NLRC5: variants seen among roughly 807,000 people sequenced by gnomAD.
NLRC5 encodes NLR family CARD domain containing 5, also known as protein NLRC5.
In NLRC5, 114 loss-of-function variants were observed where a neutral mutation model predicts 206.9. The observed-to-expected ratio is 0.55, with a 90% CI of 0.47 to 0.64. The LOEUF (loss-of-function observed/expected upper bound fraction) is 0.64. NLRC5 is among the 30% of genes least tolerant of loss of function. The pLI is 0.00. For synonymous variants in NLRC5, 952 were observed against 962.8 expected, an observed-to-expected ratio of 0.99 and a Z score of 0.21; for missense variants, 2,008 against 2,305.5, an observed-to-expected ratio of 0.87 and a Z score of 2.64.
At chr16:57,022,877 A>G (rs2060830175) in intron 4 of NLRC5, among the ~76,000 whole-genome samples, 1 of 152,276 alleles carries the variant, frequency 6.6e-6, no homozygotes, top group Non-Finnish European at 1.5e-5. Context: ...AGTAATGCCA[A>G]CAGAAAACCC....
chr16:57,005,413 C>CT (rs1391728389), intron 1 of NLRC5, among the ~76,000 whole-genome samples: 1 of 151,464 alleles, frequency 6.6e-6, no homozygotes, highest in East Asian at 2.0e-4. Context: ...AATCCCAACA[C>CT]TTGGGGAGGC....
intron 5 of NLRC5, among the ~76,000 whole-genome samples, chr16:57,024,605 A>G (rs1399643876): frequency 6.6e-6 from 1 of 152,236 alleles, no homozygotes; most frequent in Non-Finnish European, 1.5e-5. Context: ...TCCGATCGGT[A>G]ATGCCTAGGC....
chr16:56,998,784 A>G (rs947023125), intron 1 of NLRC5, among the ~76,000 whole-genome samples: 1 of 152,240 alleles, frequency 6.6e-6, no homozygotes, highest in Non-Finnish European at 1.5e-5. Context: ...TCTTGAAGAT[A>G]CAGCCACGTC....
Position 57,082,873 on chromosome 16 carries a change from C to T in NLRC5, c.*345C>T, listed in dbSNP as rs565418995. The T allele has an allele frequency of 1.9e-5, 4 of 211,184 alleles. No individual in the cohort carries two copies. The highest frequency in any genetic ancestry group is 3.8e-5 in the Non-Finnish European group (4 of 106,060). The allele number at this position is 211,184 out of a possible 1,614,324, so 13.1% of individuals were successfully genotyped here. A position where few individuals can be genotyped will look rare whatever the true frequency, so the allele number is the denominator to read the frequency against. Reference sequence around the variant, plus strand: ...GCGTTACATGAAAGTCAGTGTGGCACGTGTTCTGTGGCATGGGTGCTGGCA... The same window carrying T: ...GCGTTACATGAAAGTCAGTGTGGCATGTGTTCTGTGGCATGGGTGCTGGCA... On this transcript the variant is annotated 3_prime_UTR_variant, in exon 49 of 49. Transcript: ENST00000688547.
intron 10 of NLRC5, among the ~76,000 whole-genome samples, chr16:57,030,774 G>T (rs962954502): frequency 6.6e-6 from 1 of 152,170 alleles, no homozygotes; most frequent in African/African-American, 2.4e-5. Flanking sequence ...TGATCATGGG[G>T]TAGGTTAGGT....
chr16:57,041,847 C>T, intron 18 of NLRC5, 135 bp from the exon 19 acceptor site: 1 of 667,972 alleles, frequency 1.5e-6, no homozygotes, highest in South Asian at 2.0e-5. Context: ...CGTGCCAGAT[C>T]TGCTGAGATC....
chr16:57,042,093 G>A (rs911137537), intron 19 of NLRC5, 28 bp downstream of exon 19: 2 of 1,440,536 alleles, frequency 1.4e-6, no homozygotes, highest in African/African-American at 1.5e-5. Context: ...CAGAGCCTCT[G>A]AGGCTGGGGC....
chr16:57,079,713 G>A, intron 46 of NLRC5, 84 bp downstream of exon 46: 3 of 1,092,604 alleles, frequency 2.7e-6, no homozygotes, highest in South Asian at 2.5e-5. Context: ...CCTGCTGTGT[G>A]GCCTGGAGCT....
chr16:57,041,348 C>G, intron 17 of NLRC5, 137 bp from the exon 18 acceptor site: 1 of 658,186 alleles, frequency 1.5e-6, no homozygotes, highest in East Asian at 2.8e-5. Flanking sequence ...GTCCGTCTGT[C>G]TAGGTGCCAG....
intron 21 of NLRC5, 50 bp downstream of exon 21, chr16:57,045,542 C>G: frequency 6.3e-7 from 1 of 1,590,572 alleles, no homozygotes; most frequent in Non-Finnish European, 8.6e-7. Context: ...CTCTGGTCCC[C>G]GTCTGTTGGA....
At chr16:57,046,407 A>AGCCC in intron 21 of NLRC5, 145 bp from the exon 22 acceptor site, 1 of 631,846 alleles carries the variant, frequency 1.6e-6, no homozygotes, top group Non-Finnish European at 2.9e-6. Flanking sequence ...GATGCCTTCC[A>AGCCC]GCCCTGACTT....
intron 19 of NLRC5, 65 bp from the exon 20 acceptor site, chr16:57,043,450 T>A: frequency 5.0e-4 from 531 of 1,055,808 alleles, no homozygotes; most frequent in Non-Finnish European, 7.0e-4. Context: ...CCCTGTGCCC[T>A]GACCACAAAG....
chr16:57,058,019 T>A, intron 27 of NLRC5, 46 bp from the exon 28 acceptor site: 3 of 1,487,224 alleles, frequency 2.0e-6, no homozygotes, highest in Non-Finnish European at 2.8e-6. Flanking sequence ...CATCTCAGGC[T>A]GAGGAGGCAC....
intron 1 of NLRC5, among the ~76,000 whole-genome samples, chr16:57,007,886 G>C (rs568435882): frequency 6.6e-6 from 1 of 152,126 alleles, no homozygotes; most frequent in Non-Finnish European, 1.5e-5. Flanking sequence ...TGTTTATGAT[G>C]TATACATTTA....
intron 26 of NLRC5, 82 bp from the exon 27 acceptor site, chr16:57,055,350 CT>C (rs1440252873): frequency 4.6e-6 from 6 of 1,299,138 alleles, no homozygotes; most frequent in Non-Finnish European, 5.5e-6. Context: ...AGCCCAGAGG[CT>C]GTGCCCTGGG....
At chr16:57,031,128 A>C (rs1281918152) in intron 10 of NLRC5, among the ~76,000 whole-genome samples, 4 of 151,668 alleles carry the variant, frequency 2.6e-5, no homozygotes, top group African/African-American at 7.3e-5. Context: ...AAAAAAAAAA[A>C]CTCACAACAT....
chr16:57,039,417 G>A (rs1457830846), intron 15 of NLRC5, among the ~76,000 whole-genome samples: 6 of 152,202 alleles, frequency 3.9e-5, no homozygotes, highest in Non-Finnish European at 7.3e-5. Flanking sequence ...AGGTCCTCCC[G>A]GGCCAGGGGT....
In NLRC5 at chr16:57,026,776, G is replaced by A; in HGVS notation, c.1833G>A (p.Lys611=). ...KLATRKLTGP[K]VVELCHCVDE... ...CCACCCGCAAGCTCACAGGGCCAAA[G>A]GTTGTAGAGCTGTGTCACTGTGTGG... The change falls in exon 6 of 49, where the codon AAG becomes AAA. Residue 611 remains lysine, a synonymous_variant. Coordinates refer to ENST00000688547, the MANE Select transcript of NLRC5 (RefSeq NM_001384950.1). 1 of 1,614,124 alleles carries A rather than the reference G, an allele frequency of 6.2e-7. No individual in the cohort carries two copies. The highest frequency in any genetic ancestry group is 8.5e-7 in the Non-Finnish European group (1 of 1,179,992).
chr16:57,077,571 C>A, intron 41 of NLRC5, 148 bp from the exon 42 acceptor site: 1 of 941,402 alleles, frequency 1.1e-6, no homozygotes, highest in Non-Finnish European at 1.6e-6. Context: ...CTTCTCTGGG[C>A]CTTTCTGCCT....
Sources: allele counts gnomAD v4.1 joint callset (sites outside exome capture counted in the v4.1 genomes callset), GRCh38; gene constraint gnomAD v4.1.1; transcripts MANE v1.5; gene names NCBI Gene and HGNC (gene_info 2026-07-23, HGNC 2026-07-21).